The following HDAC9 variants were observed in gnomAD, a reference collection of about 807,000 sequenced individuals.
HDAC9 encodes the protein MEF-2 interacting transcription repressor (MITR) protein.
HDAC9 carries 41 observed loss-of-function variants against 139.4 expected under a neutral mutation model. That is an observed-to-expected ratio of 0.29 (90% confidence interval 0.23 to 0.38). The LOEUF (loss-of-function observed/expected upper bound fraction) is 0.38, where lower values mean the gene tolerates loss of function less well. Among genes scored for constraint, HDAC9 ranks in the 10% least tolerant of loss-of-function variants. The pLI is 1.00. For missense variants in HDAC9, 1,147 were observed against 1,297.0 expected (o/e 0.88, Z 1.78); for synonymous variants, 517 against 476.2 (o/e 1.09, Z -1.12).
chr7:18,990,090 C>G (rs1478143097), intron 25 of HDAC9, among the ~76,000 whole-genome samples: 1 of 152,170 alleles, frequency 6.6e-6, no homozygotes. Flanking sequence ...TGTTCCATTG[C>G]TGGTGAGGAA....
At chr7:18,766,961 T>C (rs1585000983) in intron 15 of HDAC9, 145 bp from the exon 16 acceptor site, 1 of 456,290 alleles carries the variant, frequency 2.2e-6, no homozygotes, top group African/African-American at 2.0e-5. Flanking sequence ...TTGTGTTGAA[T>C]AATTGGTCTG....
At chr7:18,851,531 CG>C (rs1320610074) in intron 21 of HDAC9, 2 of 152,204 alleles carry the variant, frequency 1.3e-5, no homozygotes, top group Non-Finnish European at 2.9e-5. Context: ...TACCCAGTCT[CG>C]GGTAGTTCTG....
intron 23 of HDAC9, among the ~76,000 whole-genome samples, chr7:18,938,973 C>G (rs1187043656): frequency 1.3e-5 from 2 of 152,170 alleles, no homozygotes; most frequent in Non-Finnish European, 2.9e-5. Context: ...CAATATTAAA[C>G]CTGACCATGT....
chr7:18,870,755 CCTCAAACTCCTAGG>C (rs1158854322), intron 21 of HDAC9, among the ~76,000 whole-genome samples: 1 of 152,116 alleles, frequency 6.6e-6, no homozygotes, highest in African/African-American at 2.4e-5. Context: ...CTCATTGCAG[CCTCAAACTCCTAGG>C]CTCAAACAAT....
chr7:18,657,543 A>G (rs1791624051), intron 11 of HDAC9, among the ~76,000 whole-genome samples: 1 of 152,198 alleles, frequency 6.6e-6, no homozygotes, highest in African/African-American at 2.4e-5. Context: ...CAGGGAAAGA[A>G]TCCTATTAGG....
chr7:18,866,468 T>G (rs527353506), intron 21 of HDAC9, among the ~76,000 whole-genome samples: 10 of 152,222 alleles, frequency 6.6e-5, no homozygotes, highest in South Asian at 6.2e-4. Context: ...TTCTTCCTTG[T>G]TGGTTGCCCG....
chr7:18,901,174 T>A (rs763297837), intron 22 of HDAC9, among the ~76,000 whole-genome samples: 3 of 149,742 alleles, frequency 2.0e-5, no homozygotes, highest in Non-Finnish European at 3.0e-5. Context: ...CAGATCAGAC[T>A]CTCTTTCTCT....
chr7:18,472,107 C>T (rs1416751880), intron 1 of HDAC9, among the ~76,000 whole-genome samples: 83 of 152,224 alleles, frequency 5.5e-4, no homozygotes, highest in Non-Finnish European at 1.8e-4. Flanking sequence ...TGATTTGGAG[C>T]CTTGCTTTAG....
intron 1 of HDAC9, among the ~76,000 whole-genome samples, chr7:18,418,366 T>C (rs954994054): frequency 6.6e-6 from 1 of 151,858 alleles, no homozygotes. Flanking sequence ...ATATTTACTT[T>C]TTTCTTTTCA....
At chr7:18,590,637 T>C (rs1830684099) in intron 4 of HDAC9, among the ~76,000 whole-genome samples, 151 bp downstream of exon 4, 1 of 152,340 alleles carries the variant, frequency 6.6e-6, no homozygotes, top group Non-Finnish European at 1.5e-5. Flanking sequence ...CTGTAAAGTT[T>C]TGACATTTAC....
At chr7:18,503,723 G>A (rs1434353390) in intron 2 of HDAC9, among the ~76,000 whole-genome samples, 2 of 152,124 alleles carry the variant, frequency 1.3e-5, no homozygotes, top group African/African-American at 4.8e-5. Flanking sequence ...TGATAAGGTT[G>A]GAAATACCCA....
At chr7:18,613,134 A>C (rs1484926105) in intron 6 of HDAC9, among the ~76,000 whole-genome samples, 13 of 148,986 alleles carry the variant, frequency 8.7e-5, no homozygotes, top group Admixed American at 5.4e-4. Flanking sequence ...TAATAGATAT[A>C]TTTATAATAG....
chr7:18,688,110 G>A (rs1782407769), intron 12 of HDAC9, among the ~76,000 whole-genome samples: 1 of 151,742 alleles, frequency 6.6e-6, no homozygotes, highest in African/African-American at 2.4e-5. Flanking sequence ...ATGTCTATAT[G>A]TGTGTGTATT....
intron 2 of HDAC9, among the ~76,000 whole-genome samples, chr7:18,164,758 A>G (rs1248364250): frequency 6.6e-6 from 1 of 152,200 alleles, no homozygotes; most frequent in African/African-American, 2.4e-5. Context: ...TTGTATATAA[A>G]ATTTACTAGT....
chr7:18,143,806 AG>A (rs1168770984), intron 1 of HDAC9, among the ~76,000 whole-genome samples: 1 of 151,362 alleles, frequency 6.6e-6, no homozygotes, highest in African/African-American at 2.4e-5. Flanking sequence ...AAAAAAAAAA[AG>A]AGTGTCTCTT....
Position 18,956,777 on chromosome 7 carries a change from A to G in HDAC9, c.3022+2547A>G, listed in dbSNP as rs114813165. Among the ~76,000 whole-genome samples, 296 of 152,118 alleles carry G rather than the reference A, an allele frequency of 1.9e-3. 2 individuals are homozygous for G. Among genetic ancestry groups the G allele is most frequent in the African/African-American group, 6.9e-3 (288 of 41,540 alleles). ...TAGTCTAAGGCAGTCAACCCACTTG[A>G]CAGTGATTGGTTAAGAAATGGGTAC... On this transcript the variant is annotated intron_variant, in intron 24 of 25. Coordinates refer to ENST00000686413, the MANE Select transcript of HDAC9 (RefSeq NM_178425.4).
intron 1 of HDAC9, among the ~76,000 whole-genome samples, chr7:18,424,509 G>A (rs561736909): frequency 2.6e-5 from 4 of 152,264 alleles, no homozygotes; most frequent in Admixed American, 2.6e-4. Flanking sequence ...GCTCAGAAGT[G>A]GAAGTCATGT....
intron 2 of HDAC9, among the ~76,000 whole-genome samples, chr7:18,577,153 A>C (rs922383928): frequency 2.0e-5 from 3 of 152,206 alleles, no homozygotes; most frequent in African/African-American, 7.2e-5. Flanking sequence ...TAAGGGAATA[A>C]ACTCAGAGGC....
At chr7:18,188,928 A>C (rs1790121836) in intron 2 of HDAC9, among the ~76,000 whole-genome samples, 2 of 152,250 alleles carry the variant, frequency 1.3e-5, no homozygotes, top group Non-Finnish European at 2.9e-5. Flanking sequence ...TGTGGAAGAC[A>C]GTATGGCAAT....
Sources: gnomAD v4.1 joint callset for allele counts (sites outside exome capture counted in the v4.1 genomes callset) on GRCh38, gnomAD v4.1.1 for gene constraint, MANE v1.5 for transcripts, NCBI Gene and HGNC (gene_info 2026-07-23, HGNC 2026-07-21) for gene names.